The following RPL26L1 variants were observed in gnomAD, a reference collection of about 807,000 sequenced individuals.
RPL26L1 encodes ribosomal protein uL24-like.
RPL26L1 carries 8 observed loss-of-function variants against 15.2 expected under a neutral mutation model. The ratio of observed to expected loss-of-function variants is 0.53; its 90% CI spans 0.31 to 0.95. RPL26L1 has a LOEUF of 0.95. Ranked by LOEUF, RPL26L1 falls within the 40% of genes least tolerant of loss-of-function variation. The probability of loss-of-function intolerance (pLI) is 0.05; values close to 1 mark genes in which losing one functional copy is unlikely to be tolerated. For missense variants in RPL26L1, 146 were observed against 190.9 expected, an observed-to-expected ratio of 0.76 and a Z score of 1.39; for synonymous variants, 51 against 65.9, an observed-to-expected ratio of 0.77 and a Z score of 1.09.
At chr5:172,955,129 G>GTTTTTTTTTT (rs58150544), upstream of RPL26L1, 1 of 200,376 alleles carries the variant, frequency 5.0e-6, no homozygotes, top group Non-Finnish European at 9.3e-6. Context: ...GCTGTGGTTA[G>GTTTTTTTTTT]TTTTTTTTTT....
At chr5:172,960,551 T>C (rs547432947) in intron 2 of RPL26L1, among the ~76,000 whole-genome samples, 4 of 152,154 alleles carry the variant, frequency 2.6e-5, no homozygotes, top group Admixed American at 1.3e-4. Flanking sequence ...GTAGTGGGAT[T>C]GATGGACAGA....
chr5:172,960,814 A>G (rs1755206270), intron 2 of RPL26L1, among the ~76,000 whole-genome samples: 1 of 149,880 alleles, frequency 6.7e-6, no homozygotes, highest in Non-Finnish European at 1.5e-5. Flanking sequence ...TTCTAGGACA[A>G]GATTGACGAG....
At chr5:172,958,136 T>A (rs1168169982), upstream of RPL26L1, 1 of 324,124 alleles carries the variant, frequency 3.1e-6, no homozygotes, top group South Asian at 2.4e-5. Context: ...TGGTGGCGCA[T>A]ACCTGTAATC....
chr5:172,967,828 T>G (rs547470610), intron 2 of RPL26L1, among the ~76,000 whole-genome samples: 1 of 150,090 alleles, frequency 6.7e-6, no homozygotes, highest in Non-Finnish European at 1.5e-5. Context: ...CATATATGTA[T>G]GTATGACATA....
chr5:172,961,030 C>T (rs1755217143), intron 2 of RPL26L1, among the ~76,000 whole-genome samples: 1 of 152,106 alleles, frequency 6.6e-6, no homozygotes, highest in Non-Finnish European at 1.5e-5. Flanking sequence ...AAAAATATTT[C>T]CAGATATTGC....
At chr5:172,960,679 C>A (rs147780638) in intron 2 of RPL26L1, among the ~76,000 whole-genome samples, 187 of 152,102 alleles carry the variant, frequency 1.2e-3, no homozygotes, top group African/African-American at 4.3e-3. Flanking sequence ...CGTACAAGCC[C>A]TCTGTTCTCT....
intron 2 of RPL26L1, among the ~76,000 whole-genome samples, chr5:172,965,388 A>G (rs1200093504): frequency 6.6e-6 from 1 of 152,140 alleles, no homozygotes; most frequent in Admixed American, 6.5e-5. Context: ...TAAAAAATAA[A>G]GGAAAGTTCC....
chr5:172,966,820 TCTC>T (rs1755472019), intron 2 of RPL26L1, among the ~76,000 whole-genome samples: 1 of 151,746 alleles, frequency 6.6e-6, no homozygotes, highest in Non-Finnish European at 1.5e-5. Context: ...ATATGTGGTA[TCTC>T]CTCTATGCTT....
chr5:172,958,318 T>A (rs1755054912), upstream of RPL26L1: 2 of 447,686 alleles, frequency 4.5e-6, no homozygotes, highest in East Asian at 1.4e-4. Context: ...TTTAACAATG[T>A]CACCACTACA....
intron 2 of RPL26L1, among the ~76,000 whole-genome samples, chr5:172,965,764 C>A (rs182929365): frequency 6.6e-6 from 1 of 152,234 alleles, no homozygotes; most frequent in African/African-American, 2.4e-5. Context: ...TTTCTCATAC[C>A]ATCACTCCTT....
upstream of RPL26L1, chr5:172,958,570 C>T: frequency 2.7e-6 from 1 of 366,698 alleles, no homozygotes; most frequent in South Asian, 1.9e-5. Context: ...TTTTCCTTCC[C>T]TGCCGCCACG....
upstream of RPL26L1, chr5:172,955,805 A>T (rs1754954281): frequency 6.6e-6 from 1 of 152,228 alleles, no homozygotes; most frequent in African/African-American, 2.4e-5. Context: ...TTTAGGAAGG[A>T]GGAAACAGAG....
chr5:172,967,260 T>G (rs1054853710), intron 2 of RPL26L1, among the ~76,000 whole-genome samples: 3 of 151,656 alleles, frequency 2.0e-5, no homozygotes, highest in African/African-American at 4.8e-5. Flanking sequence ...AGGTCAGGAG[T>G]TCGAGACCAG....
chr5:172,958,926 G>C (rs58954040), upstream of RPL26L1: 941 of 154,210 alleles, frequency 6.1e-3, 3 homozygotes, highest in Non-Finnish European at 0.01. Flanking sequence ...CCCAGAGATA[G>C]AAAAAAGTAG....
chr5:172,968,690 G>GGC, intron 3 of RPL26L1, 91 bp downstream of exon 3: 1 of 1,451,802 alleles, frequency 6.9e-7, no homozygotes, highest in South Asian at 1.2e-5. Context: ...TGCACAGTTG[G>GGC]CTGAGGCAGG....
upstream of RPL26L1, chr5:172,956,969 A>G (rs1388256724): frequency 1.1e-5 from 3 of 263,500 alleles, no homozygotes; most frequent in South Asian, 3.4e-5. Flanking sequence ...CACCAAACCA[A>G]TGAGGTAAGT....
At chr5:172,956,764 C>T (rs1754988856), upstream of RPL26L1, among the ~76,000 whole-genome samples, 1 of 151,856 alleles carries the variant, frequency 6.6e-6, no homozygotes. Flanking sequence ...ATGGTGAAAC[C>T]CTGTCTCTAC....
Position 172,969,564 on chromosome 5 carries a change from G to T in RPL26L1, c.*23G>T, listed in dbSNP as rs780181993. 2 of 1,596,894 alleles carry T rather than the reference G, an allele frequency of 1.3e-6. No individual in the cohort carries two copies. The highest frequency in any genetic ancestry group is 2.7e-5 in the African/African-American group (2 of 74,336). ...TAAATAGAACCTGTTGTGCAACCAC[G>T]GTTTAACCGGAGATTTTGAGGCTAG... On this transcript the variant is annotated 3_prime_UTR_variant, in exon 4 of 4. Coordinates refer to ENST00000265100, the MANE Select transcript of RPL26L1 (RefSeq NM_016093.4).
At chr5:172,959,345 C>T (rs1425347279), upstream of RPL26L1, 4 of 1,002,422 alleles carry the variant, frequency 4.0e-6, no homozygotes, top group Non-Finnish European at 4.8e-6. Context: ...CACCCCAAGC[C>T]GCTGGGGGCG....
Sources: allele counts gnomAD v4.1 joint callset (sites outside exome capture counted in the v4.1 genomes callset), GRCh38; gene constraint gnomAD v4.1.1; transcripts MANE v1.5; gene names NCBI Gene and HGNC (gene_info 2026-07-23, HGNC 2026-07-21).